The following CSMD1 variants were observed in gnomAD, a reference collection of about 807,000 sequenced individuals.
CSMD1 encodes the protein CUB and Sushi multiple domains 1.
In CSMD1, 213 loss-of-function variants were observed where a neutral mutation model predicts 417.5. The ratio of observed to expected loss-of-function variants is 0.51; its 90% CI spans 0.46 to 0.57. The LOEUF (loss-of-function observed/expected upper bound fraction) is 0.57. Ranked by LOEUF, CSMD1 falls within the 20% of genes least tolerant of loss-of-function variation. The pLI is 0.00. For synonymous variants in CSMD1, 2,862 were observed against 1,736.8 expected, an observed-to-expected ratio of 1.65 and a Z score of -16.11; for missense variants, 6,923 against 4,529.7, an observed-to-expected ratio of 1.53 and a Z score of -15.17.
At chr8:3,963,672 T>G (rs1400469332) in intron 5 of CSMD1, among the ~76,000 whole-genome samples, 2 of 152,230 alleles carry the variant, frequency 1.3e-5, no homozygotes, top group Admixed American at 6.5e-5. Context: ...TGATTTTGTA[T>G]GTGTGTAAGT....
Position 3,796,553 on chromosome 8 carries a change from TGATA to T in CSMD1, c.819-42515_819-42512del, listed in dbSNP as rs553561774. On this transcript the variant is annotated intron_variant, in intron 5 of 69. Coordinates refer to ENST00000635120, the MANE Select transcript of CSMD1 (RefSeq NM_033225.6). Reference sequence around the variant, plus strand: ...TAAGATATATATCTATATCCATACATGATAGATATATATCTATATCTAAGATATA... The same window carrying T: ...TAAGATATATATCTATATCCATACATGATATATATCTATATCTAAGATATA... Among the ~76,000 whole-genome samples, 84 of 145,538 alleles carry T rather than the reference TGATA, an allele frequency of 5.8e-4. No homozygotes were observed. The East Asian group carries it at 0.013, about 23-fold the overall frequency.
At chr8:4,197,660 T>C (rs1342074522) in intron 3 of CSMD1, among the ~76,000 whole-genome samples, 1 of 152,156 alleles carries the variant, frequency 6.6e-6, no homozygotes, top group Non-Finnish European at 1.5e-5. Flanking sequence ...AGGTGGATCA[T>C]TTGAGGCCAG....
intron 36 of CSMD1, among the ~76,000 whole-genome samples, chr8:3,184,116 C>T (rs1339112666): frequency 6.6e-6 from 1 of 152,134 alleles, no homozygotes. Context: ...TTTCTAGCTT[C>T]TTATCATTAC....
chr8:3,961,850 G>C (rs564378764), intron 5 of CSMD1, among the ~76,000 whole-genome samples: 2 of 152,270 alleles, frequency 1.3e-5, no homozygotes, highest in East Asian at 1.9e-4. Flanking sequence ...TCATGAGGAA[G>C]AGATGTCCCT....
intron 11 of CSMD1, among the ~76,000 whole-genome samples, chr8:3,478,164 A>C (rs557952851): frequency 1.3e-5 from 2 of 152,360 alleles, no homozygotes; most frequent in South Asian, 4.1e-4. Flanking sequence ...CATTACAGCC[A>C]GGTGGCACAG....
At chr8:4,357,658 T>C (rs1182709830) in intron 3 of CSMD1, among the ~76,000 whole-genome samples, 1 of 152,092 alleles carries the variant, frequency 6.6e-6, no homozygotes, top group Non-Finnish European at 1.5e-5. Flanking sequence ...CCTATAACTT[T>C]AAAGTTTTCT....
chr8:3,250,555 G>A (rs746932150), intron 26 of CSMD1, among the ~76,000 whole-genome samples: 5 of 152,118 alleles, frequency 3.3e-5, no homozygotes, highest in Non-Finnish European at 5.9e-5. Flanking sequence ...ATGATTTATA[G>A]TCCTTTGTGT....
intron 3 of CSMD1, among the ~76,000 whole-genome samples, chr8:4,198,695 C>G (rs972086166): frequency 6.6e-6 from 1 of 152,130 alleles, no homozygotes. Context: ...CCAAGGACTA[C>G]ATGGATACTA....
At chr8:4,204,650 A>G (rs1050191801) in intron 3 of CSMD1, among the ~76,000 whole-genome samples, 100 of 152,190 alleles carry the variant, frequency 6.6e-4, no homozygotes, top group African/African-American at 2.3e-3. Flanking sequence ...TTATTTTATA[A>G]AAATTATTAT....
At chr8:4,195,190 A>T (rs1187172201) in intron 3 of CSMD1, among the ~76,000 whole-genome samples, 2 of 152,174 alleles carry the variant, frequency 1.3e-5, no homozygotes, top group Non-Finnish European at 2.9e-5. Context: ...TGTCAATGGA[A>T]AATAAACTAA....
At chr8:3,143,480 T>C (rs1296609531) in intron 40 of CSMD1, among the ~76,000 whole-genome samples, 1 of 152,240 alleles carries the variant, frequency 6.6e-6, no homozygotes, top group African/African-American at 2.4e-5. Flanking sequence ...CTATGGCTGA[T>C]AATTTAAAAG....
At chr8:3,565,368 G>A (rs924116767) in intron 10 of CSMD1, among the ~76,000 whole-genome samples, 2 of 152,164 alleles carry the variant, frequency 1.3e-5, no homozygotes, top group Non-Finnish European at 2.9e-5. Context: ...ACGGGGAAAG[G>A]TCTGATTGAA....
At position 4,032,106 on chromosome 8, in the gene CSMD1, G is replaced by T. The variant is rs759833801; in HGVS notation, c.416-7C>A. Reference sequence around the variant, plus strand: ...CAAGTGTGGCTAGGTAAAACTATTGGAAAAAGAAAAGAAAGGAGAAAAAAC... The same window carrying T: ...CAAGTGTGGCTAGGTAAAACTATTGTAAAAAGAAAAGAAAGGAGAAAAAAC... On this transcript the variant is annotated splice_polypyrimidine_tract_variant and splice_region_variant and intron_variant, in intron 3 of 69. Transcript: ENST00000635120. The T allele has an allele frequency of 1.5e-5, 23 of 1,584,294 alleles. 1 individual carries two copies. The East Asian group carries it at 4.8e-4, about 33-fold the overall frequency.
chr8:4,415,030 C>G (rs922260016), intron 3 of CSMD1, among the ~76,000 whole-genome samples: 1 of 152,174 alleles, frequency 6.6e-6, no homozygotes, highest in Non-Finnish European at 1.5e-5. Context: ...AGCAAAAATG[C>G]TATCCTTCGT....
intron 1 of CSMD1, among the ~76,000 whole-genome samples, chr8:4,666,749 G>A (rs1209781489): frequency 6.6e-6 from 1 of 152,064 alleles, no homozygotes; most frequent in Non-Finnish European, 1.5e-5. Flanking sequence ...ATACAGTCAA[G>A]TCCTTCATCA....
At chr8:4,310,069 A>G (rs1253718434) in intron 3 of CSMD1, among the ~76,000 whole-genome samples, 1 of 152,174 alleles carries the variant, frequency 6.6e-6, no homozygotes, top group African/African-American at 2.4e-5. Flanking sequence ...AGTATCAGGA[A>G]TGCTAAGGTC....
intron 3 of CSMD1, among the ~76,000 whole-genome samples, chr8:4,076,182 G>C (rs1011957625): frequency 6.6e-6 from 1 of 152,168 alleles, no homozygotes; most frequent in Non-Finnish European, 1.5e-5. Flanking sequence ...TCACGACAGT[G>C]AGTGAGTTCT....
chr8:4,362,252 A>C (rs1490769776), intron 3 of CSMD1, among the ~76,000 whole-genome samples: 1 of 151,996 alleles, frequency 6.6e-6, no homozygotes, highest in East Asian at 1.9e-4. Flanking sequence ...TTTCCATGAG[A>C]GGGGATTTCA....
intron 11 of CSMD1, among the ~76,000 whole-genome samples, chr8:3,483,386 G>A (rs531382072): frequency 6.6e-6 from 1 of 151,930 alleles, no homozygotes; most frequent in Non-Finnish European, 1.5e-5. Context: ...CATATTATTA[G>A]ATATAAACTG....
Sources: gnomAD v4.1 joint callset for allele counts (sites outside exome capture counted in the v4.1 genomes callset) on GRCh38, gnomAD v4.1.1 for gene constraint, MANE v1.5 for transcripts, NCBI Gene and HGNC (gene_info 2026-07-23, HGNC 2026-07-21) for gene names.